GRM7: variants seen among roughly 807,000 people sequenced by gnomAD.
GRM7 encodes the protein metabotropic glutamate receptor 7.
GRM7 carries 35 observed loss-of-function variants against 84.5 expected under a neutral mutation model. That is an observed-to-expected ratio of 0.41 (90% CI 0.32 to 0.55). The LOEUF (loss-of-function observed/expected upper bound fraction) is 0.55, where lower values mean the gene tolerates loss of function less well. Ranked by LOEUF, GRM7 falls within the 20% of genes least tolerant of loss-of-function variation. The pLI, the probability that GRM7 is intolerant of heterozygous loss-of-function variation, is 0.19. For synonymous variants in GRM7, 487 were observed against 455.1 expected (o/e 1.07, Z -0.89); for missense variants, 1,003 against 1,194.6 (o/e 0.84, Z 2.36).
intron 8 of GRM7, among the ~76,000 whole-genome samples, chr3:7,661,857 C>T (rs1313565862): frequency 2.9e-5 from 3 of 103,168 alleles, no homozygotes; most frequent in Non-Finnish European, 7.0e-5. Flanking sequence ...AATACTTTGG[C>T]AATTTTTTAA....
chr3:7,514,693 G>A (rs1176392709), intron 7 of GRM7, among the ~76,000 whole-genome samples: 1 of 152,084 alleles, frequency 6.6e-6, no homozygotes, highest in Non-Finnish European at 1.5e-5. Context: ...AAACTATGGG[G>A]CTATTTCATT....
intron 1 of GRM7, among the ~76,000 whole-genome samples, chr3:7,098,526 C>T (rs569757229): frequency 7.9e-5 from 12 of 151,872 alleles, no homozygotes; most frequent in Non-Finnish European, 1.5e-4. Context: ...TGTGGATTAA[C>T]TTCATATATC....
intron 1 of GRM7, among the ~76,000 whole-genome samples, chr3:7,089,761 G>A (rs1698596717): frequency 1.3e-5 from 2 of 152,256 alleles, no homozygotes; most frequent in South Asian, 4.1e-4. Context: ...TTGTAGTTAG[G>A]GAATAACTAC....
intron 1 of GRM7, among the ~76,000 whole-genome samples, chr3:7,032,341 G>T (rs1025429849): frequency 2.0e-4 from 30 of 152,176 alleles, no homozygotes; most frequent in Non-Finnish European, 4.3e-4. Context: ...GGTTAGATGT[G>T]AGTAGTATAG....
chr3:7,547,867 T>C (rs1458895965), intron 7 of GRM7, among the ~76,000 whole-genome samples: 1 of 152,206 alleles, frequency 6.6e-6, no homozygotes, highest in Non-Finnish European at 1.5e-5. Context: ...TAAAATACAG[T>C]GGACTCAACA....
intron 4 of GRM7, among the ~76,000 whole-genome samples, chr3:7,336,968 G>A (rs562346430): frequency 1.6e-3 from 248 of 152,080 alleles, no homozygotes; most frequent in Non-Finnish European, 3.1e-3. Flanking sequence ...TGACCATACT[G>A]CCAAAAGCAA....
chr3:7,212,846 A>G (rs964169675), intron 2 of GRM7, among the ~76,000 whole-genome samples: 1 of 152,212 alleles, frequency 6.6e-6, no homozygotes, highest in Admixed American at 6.5e-5. Context: ...CCTGTCAGGC[A>G]TTGAGAAGAC....
intron 4 of GRM7, among the ~76,000 whole-genome samples, chr3:7,383,359 G>A (rs542646652): frequency 3.3e-5 from 5 of 152,144 alleles, no homozygotes; most frequent in African/African-American, 4.8e-5. Flanking sequence ...TGAAAGTGGG[G>A]ATGGACATAA....
At chr3:7,197,176 C>A (rs1263218209) in intron 2 of GRM7, among the ~76,000 whole-genome samples, 1 of 152,024 alleles carries the variant, frequency 6.6e-6, no homozygotes, top group East Asian at 1.9e-4. Context: ...TTTGGTTAAC[C>A]AACAAATAGC....
chr3:7,116,368 T>A (rs1277298493), intron 1 of GRM7, among the ~76,000 whole-genome samples: 2 of 152,270 alleles, frequency 1.3e-5, no homozygotes, highest in African/African-American at 4.8e-5. Context: ...TATTTGCATA[T>A]TGAATATATA....
At chr3:6,885,919 T>C (rs192589493) in intron 1 of GRM7, among the ~76,000 whole-genome samples, 333 of 152,360 alleles carry the variant, frequency 2.2e-3, no homozygotes, top group African/African-American at 7.7e-3. Flanking sequence ...TGATGGATGC[T>C]ATATTTTGTT....
chr3:7,321,796 A>C (rs1700793034), intron 4 of GRM7, among the ~76,000 whole-genome samples: 1 of 152,114 alleles, frequency 6.6e-6, no homozygotes, highest in African/African-American at 2.4e-5. Flanking sequence ...AGCCAAGTGA[A>C]GCATAGCATA....
intron 1 of GRM7, among the ~76,000 whole-genome samples, chr3:6,955,717 C>A (rs1413867772): frequency 6.6e-6 from 1 of 151,642 alleles, no homozygotes. Context: ...TGGCACATGG[C>A]TGTAATCCCA....
chr3:7,186,301 G>A (rs1370020912), intron 2 of GRM7, among the ~76,000 whole-genome samples: 1 of 152,144 alleles, frequency 6.6e-6, no homozygotes, highest in Non-Finnish European at 1.5e-5. Flanking sequence ...CTTAGCACAT[G>A]GGCATAGTTC....
intron 4 of GRM7, among the ~76,000 whole-genome samples, chr3:7,386,750 G>T (rs1694800655): frequency 6.6e-6 from 1 of 152,050 alleles, no homozygotes; most frequent in Admixed American, 6.6e-5. Flanking sequence ...GTGTCTTTTG[G>T]GTTGAACGAT....
intron 2 of GRM7, among the ~76,000 whole-genome samples, chr3:7,264,160 AGG>A (rs1259661121): frequency 6.6e-6 from 1 of 152,102 alleles, no homozygotes; most frequent in African/African-American, 2.4e-5. Context: ...ATCCTGGAAA[AGG>A]CCAACATACC....
intron 1 of GRM7, among the ~76,000 whole-genome samples, chr3:7,116,775 G>A (rs1693047898): frequency 6.6e-6 from 1 of 151,982 alleles, no homozygotes; most frequent in Non-Finnish European, 1.5e-5. Context: ...TTATTTTGTT[G>A]CAAAATAACT....
chr3:7,460,478 T>A (rs1698201646), intron 6 of GRM7, among the ~76,000 whole-genome samples: 1 of 152,148 alleles, frequency 6.6e-6, no homozygotes, highest in South Asian at 2.1e-4. Flanking sequence ...TTTGGTGCCA[T>A]CAATTTGGGT....
chr3:7,023,369 G>T (rs1347716774), intron 1 of GRM7, among the ~76,000 whole-genome samples: 1 of 152,110 alleles, frequency 6.6e-6, no homozygotes, highest in African/African-American at 2.4e-5. Context: ...GTCAGGTAGA[G>T]GGGAATAGGT....
Sources: gnomAD v4.1 joint callset for allele counts (sites outside exome capture counted in the v4.1 genomes callset) on GRCh38, gnomAD v4.1.1 for gene constraint, MANE v1.5 for transcripts, NCBI Gene and HGNC (gene_info 2026-07-23, HGNC 2026-07-21) for gene names.